MYH11: variants seen among roughly 807,000 people sequenced by gnomAD.
MYH11 encodes myosin heavy chain 11.
Under a neutral mutation model 246.6 loss-of-function variants are expected in MYH11, and 80 were observed. The observed-to-expected ratio is 0.32, with a 90% CI of 0.27 to 0.39. MYH11 has a LOEUF of 0.39. MYH11 is among the 10% of genes least tolerant of loss of function. MYH11 has a pLI of 1.00. For synonymous variants in MYH11, 1,071 were observed against 1,015.5 expected, an observed-to-expected ratio of 1.05 and a Z score of -1.04; for missense variants, 2,158 against 2,546.8, an observed-to-expected ratio of 0.85 and a Z score of 3.29.
At chr16:15,762,887 C>A (rs187955072) in intron 10 of MYH11, among the ~76,000 whole-genome samples, 8 of 152,056 alleles carry the variant, frequency 5.3e-5, no homozygotes, top group South Asian at 2.1e-4. Flanking sequence ...CTCTAGGGAG[C>A]GGGAAAAAGC....
At chr16:15,804,819 T>C (rs1215081653) in intron 3 of MYH11, among the ~76,000 whole-genome samples, 2 of 152,228 alleles carry the variant, frequency 1.3e-5, no homozygotes, top group East Asian at 3.8e-4. Flanking sequence ...TTCATCCATG[T>C]TGTAGCAGGT....
intron 19 of MYH11, among the ~76,000 whole-genome samples, chr16:15,746,216 C>T (rs2041414791): frequency 6.6e-6 from 1 of 152,014 alleles, no homozygotes; most frequent in Admixed American, 6.6e-5. Context: ...TGTCAGCTAC[C>T]ACACCCAGCC....
chr16:15,761,992 G>T (rs7185981), intron 10 of MYH11, among the ~76,000 whole-genome samples: 8,929 of 152,154 alleles, frequency 0.059, 896 homozygotes, highest in African/African-American at 0.2. Flanking sequence ...TTTATGTTTT[G>T]GACACAGAGT....
intron 4 of MYH11, among the ~76,000 whole-genome samples, chr16:15,794,955 A>G (rs999260824): frequency 3.3e-5 from 5 of 152,212 alleles, no homozygotes; most frequent in African/African-American, 9.6e-5. Flanking sequence ...TCATGGGTGC[A>G]GGAAACCATT....
chr16:15,817,371 A>G (rs1342237433), intron 3 of MYH11, among the ~76,000 whole-genome samples: 1 of 152,086 alleles, frequency 6.6e-6, no homozygotes, highest in African/African-American at 2.4e-5. Flanking sequence ...GTGTGCCTGT[A>G]GTCCCAGCTA....
In MYH11 at chr16:15,741,807, G is replaced by C. The variant is rs918585006; in HGVS notation, c.2605C>G (p.Gln869Glu). The C allele has an allele frequency of 6.2e-7, 1 of 1,614,186 alleles. No homozygotes were observed. Among genetic ancestry groups the C allele is most frequent in the South Asian group, 1.1e-5 (1 of 91,090 alleles). ...DELQKTKERQ[Q>E]KAENELKELE... ...TCCTTAAGCTCATTCTCTGCCTTCTGCTGCCGCTCCTTGGTCTTCTGCAGT... is the reference window on the plus strand; with the variant it reads ...TCCTTAAGCTCATTCTCTGCCTTCTCCTGCCGCTCCTTGGTCTTCTGCAGT... The change falls in exon 21 of 41, where the codon CAG becomes GAG. Residue 869 changes from glutamine to glutamate, a missense_variant. By Grantham distance (29) the Gln-to-Glu change is conservative. This residue lies in a region of MYH11 where 90 missense variants were observed against 144.2 expected (regional missense o/e 0.62). Transcript: ENST00000300036.
Position 15,815,151 on chromosome 16 carries a change from A to T in MYH11, c.502+8104T>A, listed in dbSNP as rs550423571. Among the ~76,000 whole-genome samples the T allele has an allele frequency of 2.0e-5, 3 of 152,320 alleles. No individual in the cohort carries two copies. In the East Asian group the frequency reaches 5.8e-4, roughly 29 times the overall value. On this transcript the variant is annotated intron_variant, in intron 3 of 40. Transcript: ENST00000300036. ...ACATCAGCAAGCCCATCCTATAAGC[A>T]CTGAGCTTCCATCAACAATTTGGTA...
intron 3 of MYH11, among the ~76,000 whole-genome samples, chr16:15,812,096 T>C (rs1032232677): frequency 2.6e-5 from 4 of 152,164 alleles, no homozygotes; most frequent in Non-Finnish European, 1.5e-5. Flanking sequence ...ATGAAGACAG[T>C]AGACAGCCTT....
intron 1 of MYH11, among the ~76,000 whole-genome samples, chr16:15,854,172 G>A (rs949136900): frequency 2.0e-5 from 3 of 152,178 alleles, no homozygotes; most frequent in African/African-American, 4.8e-5. Flanking sequence ...TGAGATCAAA[G>A]GGAAGAAAAT....
intron 37 of MYH11, 98 bp downstream of exon 37, chr16:15,718,214 GCCT>G: frequency 6.3e-7 from 1 of 1,576,630 alleles, no homozygotes; most frequent in Non-Finnish European, 8.6e-7. Context: ...TCAATCCAGG[GCCT>G]GCACACAGGA....
chr16:15,768,575 C>G (rs1345772571), intron 9 of MYH11, among the ~76,000 whole-genome samples: 1 of 152,200 alleles, frequency 6.6e-6, no homozygotes, highest in African/African-American at 2.4e-5. Flanking sequence ...ACGCCATCGT[C>G]TGAATGCTTG....
At chr16:15,737,084 T>A (rs2041139173) in intron 25 of MYH11, among the ~76,000 whole-genome samples, 1 of 151,914 alleles carries the variant, frequency 6.6e-6, no homozygotes, top group Non-Finnish European at 1.5e-5. Flanking sequence ...GGAAGGTCAT[T>A]CCCGCCTTAG....
At chr16:15,852,694 C>T (rs1303568237) in intron 1 of MYH11, among the ~76,000 whole-genome samples, 2 of 152,094 alleles carry the variant, frequency 1.3e-5, no homozygotes, top group African/African-American at 2.4e-5. Flanking sequence ...TACGCATGCC[C>T]TTTAACTCAG....
chr16:15,731,590 C>T (rs2040963937), intron 27 of MYH11, among the ~76,000 whole-genome samples: 1 of 151,908 alleles, frequency 6.6e-6, no homozygotes, highest in South Asian at 2.1e-4. Flanking sequence ...CTCCTGGGTC[C>T]AAGTGATTGT....
chr16:15,703,354 G>A lies in MYH11; in HGVS notation c.*637C>T, dbSNP rs562292662. On this transcript the variant is annotated 3_prime_UTR_variant, in exon 41 of 41. Transcript: ENST00000300036. ...CGTGAGAAGTTGGAAAGGTTTGCAG[G>A]TTAGGGAATGAATTGGGAGTGGGGG... is the stretch of plus-strand genomic sequence containing the variant. The A allele has an allele frequency of 1.7e-5, 4 of 235,648 alleles. No individual in the cohort carries two copies. The highest frequency in any genetic ancestry group is 1.0e-4 in the Admixed American group (2 of 19,432). The allele number at this position is 235,648 out of a possible 1,614,324, so 14.6% of individuals were successfully genotyped here.
chr16:15,709,667 A>T (rs1464897586), intron 40 of MYH11, among the ~76,000 whole-genome samples: 1 of 152,108 alleles, frequency 6.6e-6, no homozygotes, highest in East Asian at 1.9e-4. Flanking sequence ...ACTTTTAAGA[A>T]CCTCCTATAA....
intron 32 of MYH11, 150 bp from the exon 33 acceptor site, chr16:15,721,201 G>C (rs2040457744): frequency 1.0e-6 from 1 of 984,918 alleles, no homozygotes; most frequent in African/African-American, 1.6e-5. Flanking sequence ...ACCCCTGAGA[G>C]TTCAGACCCC....
intron 10 of MYH11, among the ~76,000 whole-genome samples, chr16:15,761,921 C>A (rs1381914211): frequency 6.6e-6 from 1 of 152,232 alleles, no homozygotes; most frequent in Admixed American, 6.5e-5. Context: ...CCAAGCTCCA[C>A]TGAACCATTT....
Position 15,721,425 on chromosome 16 carries a change from C to T in MYH11, c.4575G>A (p.Lys1525=). ...AAAACCACCCAGAGCCACTTACGTT[C>T]TTGCCCACGTCATCCTTGGAGCTGA... ...DLVSSKDDVG[K]NVHELEKSKR... The change falls in exon 32 of 41, where the codon AAG becomes AAA. Residue 1525 remains lysine, a synonymous_variant. Transcript: ENST00000300036. 2 of 1,614,112 alleles carry T rather than the reference C, an allele frequency of 1.2e-6. No individual in the cohort carries two copies. The highest frequency in any genetic ancestry group is 1.7e-6 in the Non-Finnish European group (2 of 1,179,980).
Sources: allele counts gnomAD v4.1 joint callset (sites outside exome capture counted in the v4.1 genomes callset), GRCh38; gene constraint gnomAD v4.1.1; regional missense constraint gnomAD v4.1.1; transcripts MANE v1.5; gene names NCBI Gene and HGNC (gene_info 2026-07-23, HGNC 2026-07-21).